The following CAGE1 variants were observed in gnomAD, a reference collection of about 807,000 sequenced individuals.
CAGE1 encodes the protein cancer-associated gene 1 protein.
In CAGE1, 66 loss-of-function variants were observed where a neutral mutation model predicts 94.9. The observed-to-expected ratio is 0.70, with a 90% confidence interval of 0.57 to 0.85. CAGE1 has a LOEUF of 0.85. Among genes scored for constraint, CAGE1 ranks in the 40% least tolerant of loss-of-function variants. CAGE1 has a pLI of 0.00. For missense variants in CAGE1, 865 were observed against 950.4 expected, an observed-to-expected ratio of 0.91 and a Z score of 1.18; for synonymous variants, 319 against 321.0, an observed-to-expected ratio of 0.99 and a Z score of 0.07.
chr6:7,358,044 A>G (rs1231208865), intron 9 of CAGE1, among the ~76,000 whole-genome samples: 5 of 115,522 alleles, frequency 4.3e-5, no homozygotes, highest in Admixed American at 1.7e-4. Context: ...ATATATATAT[A>G]TATATATATA....
chr6:7,387,126 T>C lies in CAGE1; in HGVS notation c.48A>G (p.Val16=), dbSNP rs544089088. The change falls in exon 2 of 14, where the codon GTA becomes GTG. Residue 16 remains valine (V), a synonymous_variant. Transcript: ENST00000502583. ...QKFWSSPSDP[V]HFEVDTSHEK... ...CATGAGAAGTATCCACTTCAAAATG[T>C]ACAGGATCTGAAGGTGATGACCAAA... 2 of 1,551,432 alleles carry C rather than the reference T, an allele frequency of 1.3e-6. No homozygotes were observed. The highest frequency in any genetic ancestry group is 2.4e-5 in the South Asian group (2 of 84,064).
intron 11 of CAGE1, among the ~76,000 whole-genome samples, chr6:7,350,995 A>G (rs1759747845): frequency 6.6e-6 from 1 of 152,190 alleles, no homozygotes; most frequent in African/African-American, 2.4e-5. Flanking sequence ...AAAGATAAAT[A>G]AAATTGATAG....
chr6:7,341,733 G>A (rs1759185152), intron 11 of CAGE1: 3 of 692,774 alleles, frequency 4.3e-6, no homozygotes, highest in Non-Finnish European at 5.5e-6. Context: ...GCGCCAGGAA[G>A]GCCTCGCTTG....
In CAGE1 at chr6:7,373,112, C is replaced by T. The variant is rs750156334; in HGVS notation, c.1707G>A (p.Lys569=). 7.3e-5 allele frequency: 117 copies of T among 1,611,600 alleles called. No individual in the cohort carries two copies. The highest frequency in any genetic ancestry group is 9.2e-5 in the Non-Finnish European group (108 of 1,179,112). ...YVPKFETAQL[K]DQLEEVLKSD... is the part of the protein sequence containing the mutation. ...ACTTCAAGACTTCCTCTAATTGATC[C>T]TTTAACTGAGCTGTCTCAAATTTAG... is the stretch of plus-strand genomic sequence containing the variant. Residue 569 remains lysine, a synonymous_variant, in exon 5 of 14, where the codon AAG becomes AAA. Transcript: ENST00000502583.
chr6:7,355,542 C>A (rs1759921512), intron 10 of CAGE1, among the ~76,000 whole-genome samples: 1 of 152,206 alleles, frequency 6.6e-6, no homozygotes, highest in Non-Finnish European at 1.5e-5. Context: ...ACACAACAAT[C>A]TTTGATAGCT....
In CAGE1 at chr6:7,365,972, G is replaced by A. The variant is rs75136466; in HGVS notation, c.2005-88C>T. 1,448 of 807,822 alleles carry A rather than the reference G, an allele frequency of 1.8e-3. 1 individual carries two copies. Among genetic ancestry groups the A allele is most frequent in the Non-Finnish European group, 2.3e-3 (1,206 of 524,418 alleles). The allele number at this position is 807,822 out of a possible 1,614,324, so 50.0% of individuals were successfully genotyped here. A position where few individuals can be genotyped will look rare whatever the true frequency, so the allele number is the denominator to read the frequency against. ...ATAAAATAATCAAACCGGGCCGGGC[G>A]TAGTGGCTCATGCCTATAATCCCAG... On this transcript the variant is annotated intron_variant, in intron 7 of 13. Coordinates refer to ENST00000502583, the MANE Select transcript of CAGE1 (RefSeq NM_001170692.2).
chr6:7,335,161 C>T (rs1393782438), intron 11 of CAGE1, among the ~76,000 whole-genome samples: 2 of 152,168 alleles, frequency 1.3e-5, no homozygotes, highest in Admixed American at 6.6e-5. Flanking sequence ...CTCTCTCTGC[C>T]TCCCCCCTCT....
intron 11 of CAGE1, among the ~76,000 whole-genome samples, chr6:7,345,202 C>T (rs544206063): frequency 1.0e-4 from 11 of 108,176 alleles, no homozygotes; most frequent in Admixed American, 2.7e-4. Flanking sequence ...TGTAGTTTCA[C>T]TCTTTGAAGT....
chr6:7,345,331 A>G (rs952190626), intron 11 of CAGE1, among the ~76,000 whole-genome samples: 2 of 151,044 alleles, frequency 1.3e-5, no homozygotes, highest in African/African-American at 4.9e-5. Flanking sequence ...AGACCACTAA[A>G]CCCAGCAGGA....
In CAGE1 at chr6:7,356,981, G is replaced by A. The variant is rs1019173800; in HGVS notation, c.2194-852C>T. Among the ~76,000 whole-genome samples the A allele has an allele frequency of 1.1e-4, 16 of 152,048 alleles. No homozygotes were observed. The East Asian group carries it at 1.2e-3, about 11-fold the overall frequency. ...CCAGCTAATTTTTGTATTTTTAGTC[G>A]AGATGGGGTTTCACCATGTTGGCCA... On this transcript the variant is annotated intron_variant, in intron 9 of 13. Coordinates refer to ENST00000502583, the MANE Select transcript of CAGE1 (RefSeq NM_001170692.2).
At chr6:7,388,236 C>T (rs3812168) in intron 1 of CAGE1, among the ~76,000 whole-genome samples, 55,041 of 151,704 alleles carry the variant, frequency 0.36, 10,163 homozygotes, top group East Asian at 0.44. Flanking sequence ...ATCCCCTACC[C>T]GGTACTCCCC....
chr6:7,334,494 T>G (rs1326385891), intron 11 of CAGE1, among the ~76,000 whole-genome samples: 1 of 152,054 alleles, frequency 6.6e-6, no homozygotes, highest in Non-Finnish European at 1.5e-5. Context: ...TTTGGGAGGC[T>G]GAGGCAGGCG....
intron 11 of CAGE1, among the ~76,000 whole-genome samples, chr6:7,350,383 G>A (rs985791430): frequency 6.6e-6 from 1 of 152,152 alleles, no homozygotes; most frequent in Non-Finnish European, 1.5e-5. Context: ...AAACAATGGA[G>A]TTAAACGATA....
At chr6:7,331,644 G>C (rs540628745) in intron 12 of CAGE1, 5 of 238,622 alleles carry the variant, frequency 2.1e-5, no homozygotes, top group African/African-American at 9.0e-5. Context: ...ACTTCAGAGC[G>C]GGGGTGCAGG....
chr6:7,344,472 C>T (rs563535186), intron 11 of CAGE1, among the ~76,000 whole-genome samples: 27 of 152,244 alleles, frequency 1.8e-4, no homozygotes, highest in Non-Finnish European at 3.4e-4. Flanking sequence ...GATTCGGGAC[C>T]TACAGCCCGC....
intron 5 of CAGE1, among the ~76,000 whole-genome samples, chr6:7,371,099 T>TA (rs775077142): frequency 3.3e-5 from 5 of 152,192 alleles, no homozygotes; most frequent in Non-Finnish European, 2.9e-5. Flanking sequence ...GAGCTCAAGT[T>TA]AAGGTGGCTT....
chr6:7,365,378 G>A (rs1760293209), intron 9 of CAGE1, 90 bp downstream of exon 9: 14 of 1,067,610 alleles, frequency 1.3e-5, no homozygotes, highest in Non-Finnish European at 1.6e-5. Context: ...TTATAAGCCA[G>A]TTTTTTGAAG....
intron 11 of CAGE1, among the ~76,000 whole-genome samples, chr6:7,348,403 G>A (rs961457439): frequency 2.6e-5 from 4 of 152,266 alleles, no homozygotes; most frequent in Admixed American, 2.6e-4. Flanking sequence ...AACACCCCAT[G>A]GGACAAAAGA....
At chr6:7,385,938 C>A in intron 2 of CAGE1, 66 bp from the exon 3 acceptor site, 1 of 798,188 alleles carries the variant, frequency 1.3e-6, no homozygotes, top group Admixed American at 2.9e-5. Flanking sequence ...AAGGTATTTG[C>A]ACATTGTTAC....
Sources: gnomAD v4.1 joint callset for allele counts (sites outside exome capture counted in the v4.1 genomes callset) on GRCh38, gnomAD v4.1.1 for gene constraint, MANE v1.5 for transcripts, NCBI Gene and HGNC (gene_info 2026-07-23, HGNC 2026-07-21) for gene names.